The following LRP1B variants were observed in gnomAD, a reference collection of about 807,000 sequenced individuals.
LRP1B encodes the protein LDL receptor related protein 1B, also known as low-density lipoprotein receptor-related protein 1B.
LRP1B carries 217 observed loss-of-function variants against 556.6 expected under a neutral mutation model. That is an observed-to-expected ratio of 0.39 (90% CI 0.35 to 0.44). LRP1B has a LOEUF of 0.44. LRP1B is among the 20% of genes least tolerant of loss of function. LRP1B has a pLI of 1.00. For synonymous variants in LRP1B, 2,047 were observed against 1,865.8 expected, an observed-to-expected ratio of 1.10 and a Z score of -2.50; for missense variants, 5,053 against 5,620.8, an observed-to-expected ratio of 0.90 and a Z score of 3.23.
intron 7 of LRP1B, among the ~76,000 whole-genome samples, chr2:141,109,120 C>A (rs1481349671): frequency 6.6e-6 from 1 of 152,130 alleles, no homozygotes; most frequent in Non-Finnish European, 1.5e-5. Context: ...CACCTGATGG[C>A]CCCACCCAGA....
In LRP1B at chr2:140,840,730, GAT is replaced by G. The variant is rs547970439; in HGVS notation, c.5114+186_5114+187del. On this transcript the variant is annotated intron_variant, in intron 30 of 90. Transcript: ENST00000389484. ...ATGTCACAGATATATGTTGGTGTAG[GAT>G]ATATATAATCTACAGATAATAAAAC... 2.0e-5 allele frequency among the ~76,000 whole-genome samples: 3 copies of G among 152,014 alleles called. No individual in the cohort carries two copies. The South Asian group carries it at 6.2e-4, about 32-fold the overall frequency.
intron 3 of LRP1B, among the ~76,000 whole-genome samples, chr2:141,405,690 T>C (rs903201468): frequency 2.0e-5 from 3 of 152,130 alleles, no homozygotes; most frequent in African/African-American, 7.2e-5. Context: ...ATACTGCTAA[T>C]GGGTATGGGA....
chr2:140,712,950 CT>C (rs540367216), intron 37 of LRP1B, among the ~76,000 whole-genome samples: 2 of 150,214 alleles, frequency 1.3e-5, no homozygotes, highest in Non-Finnish European at 1.5e-5. Context: ...TGTTGTTGTT[CT>C]TTTTTTTCTC....
chr2:140,430,035 T>G lies in LRP1B; in HGVS notation c.10414+12469A>C, dbSNP rs562485194. 1.5e-4 allele frequency among the ~76,000 whole-genome samples: 23 copies of G among 152,238 alleles called. No individual in the cohort carries two copies. In the East Asian group the frequency reaches 4.3e-3, roughly 28 times the overall value. On this transcript the variant is annotated intron_variant, in intron 66 of 90. Coordinates refer to ENST00000389484, the MANE Select transcript of LRP1B (RefSeq NM_018557.3). ...TGATACCACACCTGACCCCCATGAC[T>G]GCGTCTCTCTGACACACCTGAAATT...
intron 45 of LRP1B, among the ~76,000 whole-genome samples, chr2:140,537,703 A>C (rs34296675): frequency 3.9e-5 from 6 of 152,010 alleles, no homozygotes; most frequent in Non-Finnish European, 8.8e-5. Context: ...CACATTTCTA[A>C]ATCTCAGAAT....
At chr2:141,001,449 T>A (rs905925694) in intron 15 of LRP1B, among the ~76,000 whole-genome samples, 39 of 152,086 alleles carry the variant, frequency 2.6e-4, no homozygotes, top group African/African-American at 9.4e-4. Context: ...TAGGTATATC[T>A]CCTAATGCTA....
intron 41 of LRP1B, among the ~76,000 whole-genome samples, chr2:140,661,787 TTTG>T (rs1346932208): frequency 1.3e-5 from 2 of 152,340 alleles, no homozygotes; most frequent in Admixed American, 1.3e-4. Context: ...TTGAAATCAG[TTTG>T]TTGTCTTTAT....
chr2:140,684,277 C>T (rs1685970567), intron 41 of LRP1B, among the ~76,000 whole-genome samples: 1 of 152,142 alleles, frequency 6.6e-6, no homozygotes, highest in Non-Finnish European at 1.5e-5. Context: ...AATCAATGTT[C>T]ATCTTCTCAT....
intron 1 of LRP1B, among the ~76,000 whole-genome samples, chr2:142,066,005 C>T (rs1333589271): frequency 6.6e-6 from 1 of 150,996 alleles, no homozygotes; most frequent in Non-Finnish European, 1.5e-5. Context: ...GGTACAGACA[C>T]AGGATAACAA....
chr2:141,712,836 ATTTTTTTT>A (rs1192189235), intron 2 of LRP1B, among the ~76,000 whole-genome samples: 1 of 103,366 alleles, frequency 9.7e-6, no homozygotes, highest in African/African-American at 3.8e-5. Context: ...TGCCCAGCTA[ATTTTTTTT>A]TTTTTTTTTT....
intron 1 of LRP1B, among the ~76,000 whole-genome samples, chr2:141,982,919 G>A (rs938606459): frequency 2.0e-5 from 3 of 152,112 alleles, no homozygotes; most frequent in African/African-American, 7.2e-5. Context: ...TTGCATTTCT[G>A]TCACATTTCA....
intron 41 of LRP1B, among the ~76,000 whole-genome samples, chr2:140,684,940 A>T (rs1310852624): frequency 6.6e-6 from 1 of 152,232 alleles, no homozygotes; most frequent in Admixed American, 6.5e-5. Flanking sequence ...TTGTCTTTTC[A>T]TCTCTACCCC....
At chr2:140,410,029 C>A (rs528423715) in intron 66 of LRP1B, among the ~76,000 whole-genome samples, 67 of 152,136 alleles carry the variant, frequency 4.4e-4, no homozygotes, top group African/African-American at 1.6e-3. Context: ...TGCAACATAT[C>A]TGCATCAGAG....
chr2:141,726,154 T>C (rs1002999843), intron 2 of LRP1B, among the ~76,000 whole-genome samples: 10 of 151,324 alleles, frequency 6.6e-5, no homozygotes, highest in African/African-American at 2.2e-4. Context: ...TAATAATAAA[T>C]GGCATGAAAA....
chr2:140,504,838 A>C (rs1231650064), intron 53 of LRP1B, among the ~76,000 whole-genome samples: 2 of 152,148 alleles, frequency 1.3e-5, no homozygotes, highest in Non-Finnish European at 2.9e-5. Context: ...CTATCACAAT[A>C]ACCCCCTAAC....
At chr2:140,681,596 G>A (rs1200932311) in intron 41 of LRP1B, among the ~76,000 whole-genome samples, 3 of 151,864 alleles carry the variant, frequency 2.0e-5, no homozygotes, top group Non-Finnish European at 4.4e-5. Flanking sequence ...ATGAATATTT[G>A]GCAAATTGAA....
At chr2:141,142,690 A>G (rs10496868) in intron 7 of LRP1B, among the ~76,000 whole-genome samples, 5,330 of 152,188 alleles carry the variant, frequency 0.035, 145 homozygotes, top group East Asian at 0.16. Flanking sequence ...CAAGACAGGG[A>G]TTAATCATAG....
chr2:141,602,917 G>C (rs1045144723), intron 2 of LRP1B, among the ~76,000 whole-genome samples: 1 of 152,128 alleles, frequency 6.6e-6, no homozygotes, highest in Non-Finnish European at 1.5e-5. Context: ...AATGTTTCTT[G>C]AGAAACTTGT....
chr2:140,275,039 C>T (rs770328601), intron 84 of LRP1B, among the ~76,000 whole-genome samples: 7 of 151,890 alleles, frequency 4.6e-5, no homozygotes, highest in Non-Finnish European at 1.0e-4. Context: ...GAATGAGGGT[C>T]GTGATTACAT....
Sources: gnomAD v4.1 joint callset for allele counts (sites outside exome capture counted in the v4.1 genomes callset) on GRCh38, gnomAD v4.1.1 for gene constraint, MANE v1.5 for transcripts, NCBI Gene and HGNC (gene_info 2026-07-23, HGNC 2026-07-21) for gene names.